MEI1: variants seen among roughly 807,000 people sequenced by gnomAD.
The protein encoded by MEI1 is meiosis inhibitor protein 1.
In MEI1, 103 loss-of-function variants were observed where a neutral mutation model predicts 146.2. That is an observed-to-expected ratio of 0.70 (90% CI 0.60 to 0.83). MEI1 has a LOEUF of 0.83. MEI1 is among the 40% of genes least tolerant of loss of function. MEI1 has a pLI of 0.00. For synonymous variants in MEI1, 652 were observed against 628.2 expected, an observed-to-expected ratio of 1.04 and a Z score of -0.57; for missense variants, 1,529 against 1,533.0, an observed-to-expected ratio of 1.00 and a Z score of 0.04.
chr22:41,745,850 G>A, intron 13 of MEI1, 35 bp from the exon 14 acceptor site: 1 of 1,567,306 alleles, frequency 6.4e-7, no homozygotes, highest in Non-Finnish European at 8.7e-7. Context: ...GGTTGCATAG[G>A]TGGTAGTGGA....
intron 27 of MEI1, 30 bp downstream of exon 27, chr22:41,793,940 C>A: frequency 6.3e-7 from 1 of 1,587,528 alleles, no homozygotes. Flanking sequence ...TCTGATGTTC[C>A]CATGAGAGAG....
At chr22:41,754,180 G>T in intron 17 of MEI1, 134 bp downstream of exon 17, 1 of 654,400 alleles carries the variant, frequency 1.5e-6, no homozygotes. Flanking sequence ...AGGAATCGGA[G>T]TGATGCAATT....
Position 41,746,016 on chromosome 22 carries a change from C to G in MEI1, c.1670C>G (p.Pro557Arg). ...LLSACDSLCI[P>R]MVMRHLEQTT... is the part of the protein sequence containing the mutation. ...AGTGCCTGTGACTCGCTGTGTATCC[C>G]CATGGTGATGGTGGGTTCTCCTGAG... is the stretch of plus-strand genomic sequence containing the variant. Residue 557 changes from proline (P) to arginine (R), a missense_variant, in exon 14 of 31, where the codon CCC becomes CGC. By Grantham distance (103) the Pro-to-Arg change is moderately radical. Transcript: ENST00000401548. The G allele has an allele frequency of 6.2e-7, 1 of 1,600,218 alleles. No homozygotes were observed. The highest frequency in any genetic ancestry group is 1.1e-5 in the South Asian group (1 of 89,256).
At chr22:41,793,994 C>A in intron 27 of MEI1, 84 bp downstream of exon 27, 2 of 1,273,694 alleles carry the variant, frequency 1.6e-6, no homozygotes, top group African/African-American at 1.5e-5. Context: ...TCCAGCCTTC[C>A]ATTCCCTTGT....
rs56128416 is a variant in MEI1 at position 41,744,749 on chromosome 22, C to T, written c.1447-224C>T. Among the ~76,000 whole-genome samples, 24 of 12,070 alleles carry T rather than the reference C, an allele frequency of 2.0e-3. 1 individual carries two copies. The highest frequency in any genetic ancestry group is 2.8e-3 in the Non-Finnish European group (16 of 5,790). 7.9% of individuals were successfully genotyped at this position (12,070 alleles called of 152,430 possible). On this transcript the variant is annotated intron_variant, in intron 12 of 30. Coordinates refer to ENST00000401548, the MANE Select transcript of MEI1 (RefSeq NM_152513.4). Reference sequence around the variant, plus strand: ...TCTTGACCTCGTGATCCGCCCGCCTCGGCCTCCCAAAGTGCTGGGATTACA... The same window carrying T: ...TCTTGACCTCGTGATCCGCCCGCCTTGGCCTCCCAAAGTGCTGGGATTACA...
intron 13 of MEI1, 116 bp from the exon 14 acceptor site, chr22:41,745,769 A>C: frequency 8.0e-6 from 8 of 1,002,306 alleles, no homozygotes; most frequent in Non-Finnish European, 1.1e-5. Flanking sequence ...GTCTGATAAT[A>C]GAGATACTTT....
chr22:41,717,777 G>A (rs1248186801), intron 5 of MEI1, among the ~76,000 whole-genome samples: 1 of 151,676 alleles, frequency 6.6e-6, no homozygotes, highest in Admixed American at 6.6e-5. Context: ...CAGCATGCCC[G>A]GCTAATTTTT....
intron 30 of MEI1, 75 bp from the exon 31 acceptor site, chr22:41,799,179 T>C (rs1030791342): frequency 3.5e-6 from 5 of 1,413,848 alleles, no homozygotes; most frequent in East Asian, 2.3e-5. Context: ...CTTGACTGTT[T>C]TGGGCTCTGG....
chr22:41,774,119 A>G (rs1235469314), intron 20 of MEI1: 1 of 152,214 alleles, frequency 6.6e-6, no homozygotes, highest in Non-Finnish European at 1.5e-5. Flanking sequence ...GGACAATGAC[A>G]TCACAGAAAC....
At chr22:41,763,133 C>G in intron 18 of MEI1, 41 bp from the exon 19 acceptor site, 1 of 1,605,172 alleles carries the variant, frequency 6.2e-7, no homozygotes, top group Non-Finnish European at 8.5e-7. Context: ...CAGTGGCCTG[C>G]CAACTCTGCC....
At chr22:41,735,108 C>T (rs931007877) in intron 11 of MEI1, among the ~76,000 whole-genome samples, 16 of 151,314 alleles carry the variant, frequency 1.1e-4, no homozygotes, top group Non-Finnish European at 1.9e-4. Flanking sequence ...ACTACAGGCG[C>T]GCGCCACCAC....
intron 2 of MEI1, among the ~76,000 whole-genome samples, chr22:41,704,589 T>C (rs892561571): frequency 6.6e-6 from 1 of 151,598 alleles, no homozygotes; most frequent in Non-Finnish European, 1.5e-5. Context: ...AATTTTTGCA[T>C]TTTTAGTAGA....
In MEI1 at chr22:41,756,827, C is replaced by T. The variant is rs12160518; in HGVS notation, c.1952-1538C>T. ...ATTCTTTCTTTTATGAAACCGTTTT[C>T]GTAAGAAATCTAGAAGTCTCTGCCC... On this transcript the variant is annotated intron_variant, in intron 17 of 30. Coordinates refer to ENST00000401548, the MANE Select transcript of MEI1 (RefSeq NM_152513.4). Among the ~76,000 whole-genome samples the T allele has an allele frequency of 1.2e-3, 183 of 152,286 alleles. 2 individuals are homozygous for T. The highest frequency in any genetic ancestry group is 4.2e-3 in the African/African-American group (176 of 41,548).
At chr22:41,782,591 A>G (rs1446877997) in intron 24 of MEI1, among the ~76,000 whole-genome samples, 3 of 152,162 alleles carry the variant, frequency 2.0e-5, no homozygotes, top group African/African-American at 7.2e-5. Context: ...ACTGCGCCCA[A>G]TACTGTGCCA....
chr22:41,745,089 G>C (rs2073187140), intron 13 of MEI1, 25 bp downstream of exon 13: 1 of 1,463,668 alleles, frequency 6.8e-7, no homozygotes, highest in Non-Finnish European at 9.2e-7. Context: ...GAGGTATGAA[G>C]TAATAGCATG....
Position 41,760,366 on chromosome 22 carries a change from G to A in MEI1, c.2120+1833G>A, listed in dbSNP as rs530051400. Among the ~76,000 whole-genome samples the A allele has an allele frequency of 4.9e-4, 74 of 151,868 alleles. 1 individual carries two copies. The highest frequency in any genetic ancestry group is 1.4e-4 in the African/African-American group (6 of 41,442). On this transcript the variant is annotated intron_variant, in intron 18 of 30. Transcript: ENST00000401548. ...AAAAATGAAAATACAAAAATCATCCGGGCGTGGTGGCAGGCGCCTGTAGTC... is the reference window on the plus strand; with the variant it reads ...AAAAATGAAAATACAAAAATCATCCAGGCGTGGTGGCAGGCGCCTGTAGTC...
chr22:41,732,771 GA>G (rs1415008152), intron 11 of MEI1, among the ~76,000 whole-genome samples, 168 bp downstream of exon 11: 5 of 148,294 alleles, frequency 3.4e-5, no homozygotes, highest in African/African-American at 1.3e-4. Flanking sequence ...ACCATGGATT[GA>G]AAAATTTTTT....
chr22:41,718,802 T>TC (rs1293966473), intron 6 of MEI1, among the ~76,000 whole-genome samples: 1 of 152,118 alleles, frequency 6.6e-6, no homozygotes, highest in African/African-American at 2.4e-5. Flanking sequence ...TCTTGCTCTG[T>TC]CATCCCATGG....
intron 19 of MEI1, among the ~76,000 whole-genome samples, chr22:41,765,732 C>T (rs1016715343): frequency 6.6e-5 from 10 of 151,894 alleles, no homozygotes; most frequent in Middle Eastern, 3.4e-3. Context: ...TCATTTTATT[C>T]ATAAATACTT....
Sources: allele counts gnomAD v4.1 joint callset (sites outside exome capture counted in the v4.1 genomes callset), GRCh38; gene constraint gnomAD v4.1.1; transcripts MANE v1.5; gene names NCBI Gene and HGNC (gene_info 2026-07-23, HGNC 2026-07-21).